MICU3: variants seen among roughly 807,000 people sequenced by gnomAD.
MICU3 encodes mitochondrial calcium uptake 3.
Under a neutral mutation model 66.5 loss-of-function variants are expected in MICU3, and 62 were observed. The observed-to-expected ratio is 0.93, with a 90% CI of 0.76 to 1.15. The LOEUF (loss-of-function observed/expected upper bound fraction) is 1.15, where lower values mean the gene tolerates loss of function less well. Among genes scored for constraint, MICU3 ranks in the 50% most tolerant of loss-of-function variants. The pLI is 0.00. For missense variants in MICU3, 779 were observed against 664.4 expected, an observed-to-expected ratio of 1.17 and a Z score of -1.90; for synonymous variants, 308 against 240.7, an observed-to-expected ratio of 1.28 and a Z score of -2.59.
intron 1 of MICU3, among the ~76,000 whole-genome samples, chr8:17,047,131 A>G (rs1395246194): frequency 2.0e-5 from 3 of 152,350 alleles, no homozygotes; most frequent in East Asian, 1.9e-4. Context: ...TTACTTAAGT[A>G]TATTCAAAAT....
rs554625056 is a variant in MICU3, at chr8:17,083,139, A to T, written c.694+1399A>T. Among the ~76,000 whole-genome samples, 17 of 152,170 alleles carry T rather than the reference A, an allele frequency of 1.1e-4. No homozygotes were observed. The East Asian group carries it at 3.1e-3, about 28-fold the overall frequency. ...CAGGAGCTCTGGTTGGTCGGGTCAA[A>T]GATGAAATCATAGGGAGTTGAAGCT... On this transcript the variant is annotated intron_variant, in intron 5 of 14. Transcript: ENST00000318063.
In MICU3 at chr8:17,122,307, A is replaced by C. The variant is rs1268875634; in HGVS notation, c.*2020A>C. The C allele has an allele frequency of 6.6e-6, 1 of 151,912 alleles. No individual in the cohort carries two copies. Among genetic ancestry groups the C allele is most frequent in the African/African-American group, 2.4e-5 (1 of 41,448 alleles). The allele number at this position is 151,912 out of a possible 1,614,324, so 9.4% of individuals were successfully genotyped here. On this transcript the variant is annotated 3_prime_UTR_variant, in exon 15 of 15. Transcript: ENST00000318063. ...AATTTTATCATCTATAAAATGAGAG[A>C]TAAAAATATCTCACTGAATTGTTAC...
chr8:17,038,757 TC>T (rs1813499689), intron 1 of MICU3, among the ~76,000 whole-genome samples: 1 of 151,992 alleles, frequency 6.6e-6, no homozygotes, highest in South Asian at 2.1e-4. Flanking sequence ...ATTGATACCA[TC>T]CTGGCTAACA....
At chr8:17,135,502 G>A in the MICU3 span, among the ~76,000 whole-genome samples, 2 of 152,166 alleles carry the variant, frequency 1.3e-5, no homozygotes, top group East Asian at 3.9e-4. Flanking sequence ...TGAACTCTTG[G>A]TAGTACTGAA....
intron 2 of MICU3, among the ~76,000 whole-genome samples, chr8:17,065,038 T>C (rs1227526802): frequency 1.3e-5 from 2 of 152,138 alleles, no homozygotes; most frequent in Non-Finnish European, 2.9e-5. Flanking sequence ...ACAATTTCAA[T>C]TTTGGTCATG....
At chr8:17,044,263 C>T (rs539209421) in intron 1 of MICU3, among the ~76,000 whole-genome samples, 2 of 152,126 alleles carry the variant, frequency 1.3e-5, no homozygotes, top group African/African-American at 4.8e-5. Context: ...GCAGAAGTTA[C>T]CCAGGTAGTA....
At chr8:17,080,871 C>A (rs922144648) in intron 4 of MICU3, among the ~76,000 whole-genome samples, 77 of 152,020 alleles carry the variant, frequency 5.1e-4, no homozygotes, top group African/African-American at 1.7e-3. Flanking sequence ...GATTTTTATA[C>A]CCTTTTACCA....
At chr8:17,087,954 T>C (rs139037380) in intron 7 of MICU3, among the ~76,000 whole-genome samples, 2 of 152,194 alleles carry the variant, frequency 1.3e-5, no homozygotes, top group East Asian at 3.9e-4. Context: ...TTAATTGTCC[T>C]ACATAGAATT....
At chr8:17,035,479 G>C (rs552781353) in intron 1 of MICU3, among the ~76,000 whole-genome samples, 129 of 152,344 alleles carry the variant, frequency 8.5e-4, no homozygotes, top group African/African-American at 2.9e-3. Context: ...AGTCCAGGCT[G>C]AGTTGATCTC....
chr8:17,090,671 C>T, intron 8 of MICU3, 87 bp downstream of exon 8: 1 of 982,770 alleles, frequency 1.0e-6, no homozygotes, highest in Non-Finnish European at 1.5e-6. Context: ...AAAGCTATAT[C>T]TGCTGTTTAC....
In MICU3 at chr8:17,050,198, C is replaced by T. The variant is rs188262415; in HGVS notation, c.382-13886C>T. ...CTTAAAATTATCTTTCAGAATGGTACGCTAAGATTTACTTCTACATGTAGT... is the reference window on the plus strand; with the variant it reads ...CTTAAAATTATCTTTCAGAATGGTATGCTAAGATTTACTTCTACATGTAGT... On this transcript the variant is annotated intron_variant, in intron 1 of 14. Transcript: ENST00000318063. Among the ~76,000 whole-genome samples the T allele has an allele frequency of 5.9e-4, 90 of 152,202 alleles. 2 individuals are homozygous for T. The East Asian group carries it at 0.016, about 26-fold the overall frequency.
chr8:17,099,602 CCAA>C (rs1215414290), intron 9 of MICU3, among the ~76,000 whole-genome samples: 2 of 151,714 alleles, frequency 1.3e-5, no homozygotes, highest in Non-Finnish European at 2.9e-5. Flanking sequence ...GTAATTATGA[CCAA>C]CAATTACCTT....
chr8:17,052,619 C>T (rs1261820597), intron 1 of MICU3, among the ~76,000 whole-genome samples: 7 of 152,092 alleles, frequency 4.6e-5, no homozygotes, highest in Admixed American at 4.6e-4. Flanking sequence ...TTGATCTCAG[C>T]CAGGGAAGTA....
intron 1 of MICU3, among the ~76,000 whole-genome samples, chr8:17,031,970 C>T (rs909172455): frequency 3.3e-5 from 5 of 152,208 alleles, no homozygotes; most frequent in African/African-American, 9.6e-5. Flanking sequence ...TAAGGAGAGG[C>T]ACTGTGTTCG....
chr8:17,073,927 T>C (rs1041893553), intron 3 of MICU3, among the ~76,000 whole-genome samples: 2 of 152,238 alleles, frequency 1.3e-5, no homozygotes, highest in African/African-American at 2.4e-5. Context: ...GACAGTCATT[T>C]AAAGTGCAAA....
chr8:17,076,930 C>G (rs1223682600), intron 3 of MICU3, among the ~76,000 whole-genome samples: 2 of 152,166 alleles, frequency 1.3e-5, no homozygotes, highest in African/African-American at 4.8e-5. Context: ...AGCAGACTAA[C>G]TTTGTTGTTT....
chr8:17,104,100 T>TA (rs546169390), intron 9 of MICU3, among the ~76,000 whole-genome samples: 82 of 152,048 alleles, frequency 5.4e-4, no homozygotes, highest in African/African-American at 2.0e-3. Flanking sequence ...TTAGATAATT[T>TA]AAAAGATAGA....
chr8:17,118,871 A>T, intron 14 of MICU3, 96 bp downstream of exon 14: 1 of 680,290 alleles, frequency 1.5e-6, no homozygotes, highest in Non-Finnish European at 2.4e-6. Context: ...TGAAAGAAAT[A>T]GAATTATCTA....
intron 9 of MICU3, chr8:17,102,424 G>A (rs1801345655): frequency 6.6e-6 from 1 of 151,882 alleles, no homozygotes; most frequent in Admixed American, 6.6e-5. Flanking sequence ...CTACTAATAA[G>A]AACATTTGTT....
Sources: gnomAD v4.1 joint callset for allele counts (sites outside exome capture counted in the v4.1 genomes callset) on GRCh38, gnomAD v4.1.1 for gene constraint, MANE v1.5 for transcripts, NCBI Gene and HGNC (gene_info 2026-07-23, HGNC 2026-07-21) for gene names.